Variants in SPAG16 observed in about 807,000 individuals in gnomAD.
The protein encoded by SPAG16 is sperm associated antigen 16.
In SPAG16, 86 loss-of-function variants were observed where a neutral mutation model predicts 80.4. The observed-to-expected ratio is 1.07, with a 90% CI of 0.90 to 1.28. SPAG16 has a LOEUF of 1.28. Ranked by LOEUF, SPAG16 falls within the 50% of genes most tolerant of loss-of-function variation. The pLI is 0.00. For missense variants in SPAG16, 870 were observed against 765.3 expected (o/e 1.14, Z -1.61); for synonymous variants, 294 against 265.9 (o/e 1.11, Z -1.03).
At chr2:213,629,323 A>G (rs758759748) in intron 10 of SPAG16, among the ~76,000 whole-genome samples, 1 of 152,208 alleles carries the variant, frequency 6.6e-6, no homozygotes, top group Non-Finnish European at 1.5e-5. Context: ...TACACGTGTT[A>G]CCAACCCACA....
chr2:213,391,283 T>A lies in SPAG16; in HGVS notation c.942+16164T>A, dbSNP rs1272165710. On this transcript the variant is annotated intron_variant, in intron 9 of 15. Coordinates refer to ENST00000331683, the MANE Select transcript of SPAG16 (RefSeq NM_024532.5). The stretch of plus-strand genomic sequence containing the variant: ...ACTCCGTTTCAAAAAAATAAATAAA[T>A]AAATGATACATAATATTTTGTTAAG... Among the ~76,000 whole-genome samples the A allele has an allele frequency of 3.9e-5, 6 of 152,208 alleles. No individual in the cohort carries two copies. The East Asian group carries it at 1.2e-3, about 29-fold the overall frequency.
chr2:214,307,072 G>C (rs1000905112), intron 15 of SPAG16, among the ~76,000 whole-genome samples: 10 of 151,998 alleles, frequency 6.6e-5, no homozygotes, highest in African/African-American at 2.4e-4. Flanking sequence ...GCTCATTATT[G>C]GTCTGTTCAG....
intron 10 of SPAG16, among the ~76,000 whole-genome samples, chr2:213,665,840 G>C (rs796375339): frequency 1.4e-4 from 22 of 152,194 alleles, no homozygotes; most frequent in African/African-American, 5.3e-4. Context: ...AGGAACACTA[G>C]CTAGACTTCC....
At chr2:213,632,026 T>C (rs2062173802) in intron 10 of SPAG16, among the ~76,000 whole-genome samples, 2 of 152,146 alleles carry the variant, frequency 1.3e-5, no homozygotes, top group African/African-American at 4.8e-5. Context: ...AAGAATGTAA[T>C]TGGTATTTTC....
chr2:213,327,181 C>G (rs2063880152), intron 5 of SPAG16, among the ~76,000 whole-genome samples: 1 of 149,076 alleles, frequency 6.7e-6, no homozygotes, highest in African/African-American at 2.5e-5. Flanking sequence ...TTTTTTAACA[C>G]AAAGATGCTC....
intron 10 of SPAG16, among the ~76,000 whole-genome samples, chr2:213,733,543 C>T (rs1218777432): frequency 7.2e-5 from 10 of 139,684 alleles, no homozygotes; most frequent in South Asian, 2.2e-4. Flanking sequence ...ATGAGAACAT[C>T]GTGGGGATTC....
intron 5 of SPAG16, among the ~76,000 whole-genome samples, chr2:213,325,449 G>A (rs1199459350): frequency 1.3e-5 from 2 of 151,912 alleles, no homozygotes; most frequent in African/African-American, 4.8e-5. Flanking sequence ...AATTGTTCTG[G>A]CACCATTTCT....
intron 12 of SPAG16, among the ~76,000 whole-genome samples, chr2:213,953,731 G>A (rs746000473): frequency 5.3e-5 from 8 of 151,754 alleles, no homozygotes; most frequent in Admixed American, 1.3e-4. Flanking sequence ...GTTTAAGAAG[G>A]AAGAAATTAT....
intron 10 of SPAG16, among the ~76,000 whole-genome samples, chr2:213,845,354 C>T (rs1326104591): frequency 2.6e-5 from 4 of 151,908 alleles, no homozygotes; most frequent in Non-Finnish European, 5.9e-5. Flanking sequence ...TCCGCTACCA[C>T]GCCCAGCTAA....
At chr2:213,987,668 T>C (rs1375166608) in intron 12 of SPAG16, among the ~76,000 whole-genome samples, 1 of 151,848 alleles carries the variant, frequency 6.6e-6, no homozygotes, top group Non-Finnish European at 1.5e-5. Flanking sequence ...AAGTATATAT[T>C]TGGCACTGTG....
intron 9 of SPAG16, among the ~76,000 whole-genome samples, chr2:213,467,583 G>A (rs1221420056): frequency 1.3e-5 from 2 of 152,210 alleles, no homozygotes; most frequent in African/African-American, 4.8e-5. Flanking sequence ...CTGGAGAGGA[G>A]AACAGAAATG....
At position 213,732,027 on chromosome 2, in the gene SPAG16, C is replaced by A. The variant is rs138816304; in HGVS notation, c.1071-130458C>A. Among the ~76,000 whole-genome samples, 119 of 152,134 alleles carry A rather than the reference C, an allele frequency of 7.8e-4. 1 individual carries two copies. The highest frequency in any genetic ancestry group is 2.8e-3 in the African/African-American group (115 of 41,512). Reference sequence around the variant, plus strand: ...TGAATGGTATCTCCTAGATTTTCTTCTAGGGTTTATATAGTTTTTGGTTTT... The same window carrying A: ...TGAATGGTATCTCCTAGATTTTCTTATAGGGTTTATATAGTTTTTGGTTTT... On this transcript the variant is annotated intron_variant, in intron 10 of 15. Transcript: ENST00000331683.
intron 11 of SPAG16, among the ~76,000 whole-genome samples, chr2:213,886,383 GA>G (rs1336066169): frequency 6.6e-6 from 1 of 152,002 alleles, no homozygotes; most frequent in African/African-American, 2.4e-5. Context: ...CGGGTAGAAT[GA>G]GCAGCTAGAG....
intron 15 of SPAG16, among the ~76,000 whole-genome samples, chr2:214,186,823 G>A (rs957927811): frequency 2.0e-5 from 3 of 151,792 alleles, no homozygotes; most frequent in Admixed American, 6.6e-5. Flanking sequence ...GCAATGGCAC[G>A]ATCTCAGCTC....
At chr2:214,167,464 C>T (rs1425062267) in intron 15 of SPAG16, among the ~76,000 whole-genome samples, 3 of 152,060 alleles carry the variant, frequency 2.0e-5, no homozygotes, top group Non-Finnish European at 4.4e-5. Context: ...TTGGCCTTAT[C>T]ACATTTTAGC....
intron 7 of SPAG16, among the ~76,000 whole-genome samples, chr2:213,357,552 C>CT (rs1302080917): frequency 2.6e-5 from 4 of 151,996 alleles, no homozygotes; most frequent in Non-Finnish European, 5.9e-5. Context: ...GTTTTAAAGT[C>CT]GTTTTATCAG....
At chr2:213,459,000 C>A (rs967871642) in intron 9 of SPAG16, among the ~76,000 whole-genome samples, 1 of 152,170 alleles carries the variant, frequency 6.6e-6, no homozygotes, top group Admixed American at 6.5e-5. Context: ...TAAAATATTG[C>A]TTGCTTCTTC....
intron 12 of SPAG16, among the ~76,000 whole-genome samples, chr2:213,933,594 G>T (rs2078863339): frequency 6.6e-6 from 1 of 152,202 alleles, no homozygotes; most frequent in African/African-American, 2.4e-5. Context: ...ACTGAATGTT[G>T]CTATTCCAGC....
chr2:214,187,244 T>A (rs1341449267), intron 15 of SPAG16, among the ~76,000 whole-genome samples: 1 of 152,118 alleles, frequency 6.6e-6, no homozygotes, highest in Non-Finnish European at 1.5e-5. Context: ...GGTATATTCC[T>A]GTTTTAATCC....
Sources: allele counts gnomAD v4.1 joint callset (sites outside exome capture counted in the v4.1 genomes callset), GRCh38; gene constraint gnomAD v4.1.1; transcripts MANE v1.5; gene names NCBI Gene and HGNC (gene_info 2026-07-23, HGNC 2026-07-21).